ASB3: variants seen among roughly 807,000 people sequenced by gnomAD.
The protein encoded by ASB3 is ankyrin repeat and SOCS box containing 3.
ASB3 carries 41 observed loss-of-function variants against 54.5 expected under a neutral mutation model. That is an observed-to-expected ratio of 0.75 (90% CI 0.59 to 0.98). The LOEUF (loss-of-function observed/expected upper bound fraction) is 0.98, where lower values mean the gene tolerates loss of function less well. Among genes scored for constraint, ASB3 ranks in the 50% least tolerant of loss-of-function variants. The pLI is 0.00. For synonymous variants in ASB3, 266 were observed against 221.2 expected, an observed-to-expected ratio of 1.20 and a Z score of -1.80; for missense variants, 733 against 620.0, an observed-to-expected ratio of 1.18 and a Z score of -1.94.
intron 9 of ASB3, among the ~76,000 whole-genome samples, chr2:53,684,126 G>C (rs1260733976): frequency 6.6e-6 from 1 of 152,130 alleles, no homozygotes; most frequent in Non-Finnish European, 1.5e-5. Context: ...CTGATACACA[G>C]CTGACATGTA....
chr2:53,748,028 C>T (rs1335583561), intron 3 of ASB3, among the ~76,000 whole-genome samples: 1 of 152,210 alleles, frequency 6.6e-6, no homozygotes, highest in Non-Finnish European at 1.5e-5. Flanking sequence ...AAAGATAGCT[C>T]TTCTCTTCCT....
intron 1 of ASB3, among the ~76,000 whole-genome samples, chr2:53,770,425 T>C (rs1673817567): frequency 6.7e-6 from 1 of 148,302 alleles, no homozygotes; most frequent in African/African-American, 2.5e-5. Context: ...GGCTTATGAC[T>C]CAGCATTCCC....
intron 2 of ASB3, among the ~76,000 whole-genome samples, chr2:53,760,078 C>T (rs1027755162): frequency 1.3e-5 from 2 of 152,168 alleles, no homozygotes; most frequent in African/African-American, 4.8e-5. Flanking sequence ...TTGTGACTGG[C>T]GAACTTTACT....
chr2:53,755,245 C>A (rs1034623933), intron 2 of ASB3, among the ~76,000 whole-genome samples: 1 of 152,238 alleles, frequency 6.6e-6, no homozygotes, highest in East Asian at 1.9e-4. Context: ...CAGCCACTGA[C>A]GCCTGTGTAG....
intron 7 of ASB3, among the ~76,000 whole-genome samples, chr2:53,702,953 G>C (rs925988928): frequency 6.6e-6 from 1 of 152,190 alleles, no homozygotes; most frequent in Non-Finnish European, 1.5e-5. Flanking sequence ...CTGAAAACAA[G>C]ATGAAGACAT....
intron 9 of ASB3, among the ~76,000 whole-genome samples, chr2:53,682,245 TG>T (rs1246263228): frequency 1.3e-5 from 2 of 152,154 alleles, no homozygotes; most frequent in African/African-American, 4.8e-5. Context: ...GCATTGAATC[TG>T]TAGATTGCTT....
chr2:53,757,295 C>A (rs1225641513), intron 2 of ASB3, among the ~76,000 whole-genome samples: 1 of 152,226 alleles, frequency 6.6e-6, no homozygotes, highest in Non-Finnish European at 1.5e-5. Context: ...CAACGTCCAA[C>A]CCTTCTGGGT....
chr2:53,781,328 CT>C (rs1674631997), intron 1 of ASB3, among the ~76,000 whole-genome samples: 1 of 151,404 alleles, frequency 6.6e-6, no homozygotes, highest in Non-Finnish European at 1.5e-5. Flanking sequence ...GGGAGGATCA[CT>C]TTAGCCCAGG....
chr2:53,778,975 C>T lies in ASB3; in HGVS notation c.-14+7846G>A, dbSNP rs564849450. On this transcript the variant is annotated intron_variant, in intron 1 of 9. Transcript: ENST00000263634. ...GAGGAACTGCCACTGTTTTCCATAACGGTTGTACTAATTTACATTGCCATT... is the reference window on the plus strand; with the variant it reads ...GAGGAACTGCCACTGTTTTCCATAATGGTTGTACTAATTTACATTGCCATT... Among the ~76,000 whole-genome samples, 3 of 152,256 alleles carry T rather than the reference C, an allele frequency of 2.0e-5. No homozygotes were observed. In the East Asian group the frequency reaches 5.8e-4, roughly 29 times the overall value.
In ASB3 at chr2:53,781,629, G is replaced by A. The variant is rs974226818; in HGVS notation, c.-14+5192C>T. Among the ~76,000 whole-genome samples, 7 of 152,116 alleles carry A rather than the reference G, an allele frequency of 4.6e-5. No individual in the cohort carries two copies. In the East Asian group the frequency reaches 1.3e-3, roughly 29 times the overall value. On this transcript the variant is annotated intron_variant, in intron 1 of 9. Transcript: ENST00000263634. ...TCCTGCTTCAGCCTCCAGAGTAGCT[G>A]AGATTACAGGCATGAGCCACCACGC...
intron 3 of ASB3, among the ~76,000 whole-genome samples, chr2:53,731,052 A>C (rs1435539165): frequency 6.6e-6 from 1 of 152,226 alleles, no homozygotes; most frequent in Non-Finnish European, 1.5e-5. Flanking sequence ...CTAGTTTTAT[A>C]TATTGAATTT....
intron 9 of ASB3, among the ~76,000 whole-genome samples, chr2:53,680,581 T>C (rs574416860): frequency 6.6e-6 from 1 of 152,326 alleles, no homozygotes; most frequent in East Asian, 1.9e-4. Context: ...AAAACTTTTT[T>C]ATTTTTAAAT....
At chr2:53,690,051 C>T (rs547522741) in intron 9 of ASB3, among the ~76,000 whole-genome samples, 1 of 151,756 alleles carries the variant, frequency 6.6e-6, no homozygotes, top group Non-Finnish European at 1.5e-5. Flanking sequence ...GCCCGGGTAA[C>T]ATGGCGAAAC....
chr2:53,728,748 C>T lies in ASB3; in HGVS notation c.568G>A (p.Gly190Ser). 6.2e-7 allele frequency: 1 copy of T among 1,610,392 alleles called. No homozygotes were observed. Among genetic ancestry groups the T allele is most frequent in the Non-Finnish European group, 8.5e-7 (1 of 1,178,072 alleles). Residue 190 changes from glycine to serine, a missense_variant, in exon 5 of 10, where the codon GGC (glycine) becomes AGC (serine). Gly to Ser is a moderately conservative substitution (Grantham distance 56, BLOSUM62 0). Transcript: ENST00000263634. Reference sequence around the variant, plus strand: ...AGTATGCTCAAGCTTTCTAGCTTGCCATACTGAGCAGCCACAAATAAAGGT... The same window carrying T: ...AGTATGCTCAAGCTTTCTAGCTTGCTATACTGAGCAGCCACAAATAAAGGT... The part of the protein sequence containing the change: ...ITPLFVAAQY[G>S]KLESLSILIS...
chr2:53,676,571 A>C (rs1572822827), intron 9 of ASB3, among the ~76,000 whole-genome samples: 1 of 152,190 alleles, frequency 6.6e-6, no homozygotes, highest in South Asian at 2.1e-4. Flanking sequence ...AACATCAACT[A>C]ATTTTTTTAT....
chr2:53,681,122 CATT>C (rs2103664669), intron 9 of ASB3, among the ~76,000 whole-genome samples: 1 of 152,210 alleles, frequency 6.6e-6, no homozygotes, highest in East Asian at 1.9e-4. Context: ...TTTCTTTATC[CATT>C]GATCTTTTAA....
At chr2:53,774,712 A>G (rs889889325) in intron 1 of ASB3, 8 of 483,672 alleles carry the variant, frequency 1.7e-5, no homozygotes, top group Non-Finnish European at 2.5e-5. Flanking sequence ...TTAATAACAT[A>G]AAGATTTCCT....
chr2:53,776,319 T>G (rs1674332509), intron 1 of ASB3, among the ~76,000 whole-genome samples: 1 of 152,218 alleles, frequency 6.6e-6, no homozygotes, highest in South Asian at 2.1e-4. Context: ...TTTATTAAAT[T>G]TCTAATTTAC....
chr2:53,721,369 T>G (rs1670699617), intron 5 of ASB3, among the ~76,000 whole-genome samples: 1 of 134,036 alleles, frequency 7.5e-6, no homozygotes, highest in Non-Finnish European at 1.5e-5. Context: ...AGCCTGGAAA[T>G]GTGGTGAAAC....
Sources: gnomAD v4.1 joint callset for allele counts (sites outside exome capture counted in the v4.1 genomes callset) on GRCh38, gnomAD v4.1.1 for gene constraint, MANE v1.5 for transcripts, NCBI Gene and HGNC (gene_info 2026-07-23, HGNC 2026-07-21) for gene names.